PIK3C2A: variants seen among roughly 807,000 people sequenced by gnomAD.
The protein encoded by PIK3C2A is phosphatidylinositol-4-phosphate 3-kinase catalytic subunit type 2 alpha, also known as phosphatidylinositol 4-phosphate 3-kinase C2 domain-containing subunit alpha.
A neutral mutation model predicts 204.5 loss-of-function variants in PIK3C2A; 97 were observed. That is an observed-to-expected ratio of 0.47 (90% CI 0.40 to 0.56). The LOEUF (loss-of-function observed/expected upper bound fraction) is 0.56, where lower values mean the gene tolerates loss of function less well. Among genes scored for constraint, PIK3C2A ranks in the 20% least tolerant of loss-of-function variants. The pLI, the probability that PIK3C2A is intolerant of heterozygous loss-of-function variation, is 0.00. For missense variants in PIK3C2A, 1,735 were observed against 1,969.2 expected, an observed-to-expected ratio of 0.88 and a Z score of 2.25; for synonymous variants, 653 against 664.4, an observed-to-expected ratio of 0.98 and a Z score of 0.26.
At chr11:17,178,106 A>AAAAG (rs1555034917) in intron 1 of PIK3C2A, among the ~76,000 whole-genome samples, 2 of 96,350 alleles carry the variant, frequency 2.1e-5, no homozygotes, top group East Asian at 1.2e-3. Context: ...AAAAAAAAAA[A>AAAAG]AAAAAAGAAA....
chr11:17,181,855 G>A (rs1385099178), intron 1 of PIK3C2A, among the ~76,000 whole-genome samples: 1 of 151,922 alleles, frequency 6.6e-6, no homozygotes, highest in Non-Finnish European at 1.5e-5. Flanking sequence ...ACTTTGGGAG[G>A]CCAAGGCGGG....
rs199919447 is a variant in PIK3C2A, at chr11:17,097,193, C to T, written c.4190G>A (p.Arg1397His). 11 of 1,613,516 alleles carry T rather than the reference C, an allele frequency of 6.8e-6. No individual in the cohort carries two copies. The highest frequency in any genetic ancestry group is 4.5e-5 in the East Asian group (2 of 44,844). The change falls in exon 27 of 33, where the codon CGT becomes CAT. Residue 1397 changes from arginine to histidine, a missense_variant. Arg to His is a conservative substitution (Grantham distance 29). Coordinates refer to ENST00000691414, the MANE Select transcript of PIK3C2A (RefSeq NM_002645.4). ...NFFIHNLAQLRFSGLPSNDEP... is the reference protein window; with the variant it reads ...NFFIHNLAQLHFSGLPSNDEP... Reference sequence around the variant, plus strand: ...ATCATTAGAAGGAAGACCAGAAAAACGAAGCTGAGCAAGGTTGTGAATGAA... The same window carrying T: ...ATCATTAGAAGGAAGACCAGAAAAATGAAGCTGAGCAAGGTTGTGAATGAA...
intron 23 of PIK3C2A, among the ~76,000 whole-genome samples, chr11:17,104,714 G>C (rs1178775210): frequency 8.5e-6 from 1 of 118,332 alleles, no homozygotes; most frequent in African/African-American, 3.3e-5. Context: ...GACAGAGTGA[G>C]ACTCCATCTC....
At chr11:17,103,701 G>C (rs1848716556) in intron 23 of PIK3C2A, among the ~76,000 whole-genome samples, 1 of 152,170 alleles carries the variant, frequency 6.6e-6, no homozygotes, top group East Asian at 1.9e-4. Context: ...CAATTGTACA[G>C]ATGGAAAACT....
intron 1 of PIK3C2A, among the ~76,000 whole-genome samples, chr11:17,203,052 T>C (rs1391773641): frequency 6.6e-6 from 1 of 152,248 alleles, no homozygotes; most frequent in Non-Finnish European, 1.5e-5. Context: ...AGAGGATTTA[T>C]AAATCCCATT....
At chr11:17,106,316 G>A (rs1051792136) in intron 22 of PIK3C2A, among the ~76,000 whole-genome samples, 6 of 151,878 alleles carry the variant, frequency 4.0e-5, no homozygotes, top group African/African-American at 1.2e-4. Flanking sequence ...GGAGGCTGAT[G>A]CATGAGAATT....
rs1210339640 is a variant in PIK3C2A at position 17,122,242 on chromosome 11, T to C, written c.2603A>G (p.Glu868Gly). Residue 868 changes from glutamate to glycine, a missense_variant, in exon 15 of 33, where the codon GAG becomes GGG. Transcript: ENST00000691414. ...IIQQHNLETL[E>G]NDIKGKLLDI... Reference sequence around the variant, plus strand: ...AAGAAGTTTCCCTTTTATATCATTCTCTAGTGTTTCTAAGTTATGTTGCTG... The same window carrying C: ...AAGAAGTTTCCCTTTTATATCATTCCCTAGTGTTTCTAAGTTATGTTGCTG... The C allele has an allele frequency of 6.5e-7, 1 of 1,536,900 alleles. No individual in the cohort carries two copies. Among genetic ancestry groups the C allele is most frequent in the African/African-American group, 1.4e-5 (1 of 73,428 alleles).
intron 2 of PIK3C2A, among the ~76,000 whole-genome samples, chr11:17,165,158 TATTTTCACATTTGCTATTTGTCTTGTC>T (rs1249211275): frequency 6.6e-6 from 1 of 152,190 alleles, no homozygotes; most frequent in Non-Finnish European, 1.5e-5. Context: ...CAGGGTACTC[TATTTTCACATTTGCTATTTGTCTTGTC>T]ATTTTCCCAA....
chr11:17,131,201 AG>A (rs1323861257), intron 12 of PIK3C2A, among the ~76,000 whole-genome samples: 2 of 152,198 alleles, frequency 1.3e-5, no homozygotes, highest in African/African-American at 4.8e-5. Flanking sequence ...AAAAGTAAAA[AG>A]ATAACTTTTT....
intron 8 of PIK3C2A, among the ~76,000 whole-genome samples, chr11:17,137,061 G>C (rs1025806777): frequency 6.6e-6 from 1 of 152,094 alleles, no homozygotes; most frequent in Non-Finnish European, 1.5e-5. Flanking sequence ...ACATTTACCG[G>C]AGAAGTACAT....
chr11:17,126,719 A>G (rs978460680), intron 13 of PIK3C2A, among the ~76,000 whole-genome samples: 3 of 152,234 alleles, frequency 2.0e-5, no homozygotes, highest in Admixed American at 1.3e-4. Context: ...CGCCTGCACT[A>G]CTTGGCAGTC....
intron 8 of PIK3C2A, 28 bp from the exon 9 acceptor site, chr11:17,136,653 T>C: frequency 7.3e-7 from 1 of 1,367,726 alleles, no homozygotes; most frequent in East Asian, 2.4e-5. Context: ...AAAATAAAAA[T>C]AGGTAGGTGA....
intron 1 of PIK3C2A, among the ~76,000 whole-genome samples, chr11:17,199,680 C>T (rs900726895): frequency 6.6e-5 from 10 of 152,298 alleles, no homozygotes; most frequent in Admixed American, 3.3e-4. Context: ...CAGGGGCTCA[C>T]GCCTGTAATC....
At chr11:17,180,142 G>A (rs564281111) in intron 1 of PIK3C2A, among the ~76,000 whole-genome samples, 3 of 151,948 alleles carry the variant, frequency 2.0e-5, no homozygotes, top group African/African-American at 2.4e-5. Context: ...CACTGCTGCA[G>A]GCAATGAAAA....
chr11:17,110,744 T>C (rs1460077842), intron 21 of PIK3C2A, among the ~76,000 whole-genome samples, 183 bp from the exon 22 acceptor site: 3 of 151,952 alleles, frequency 2.0e-5, no homozygotes, highest in Non-Finnish European at 4.4e-5. Flanking sequence ...AACACAAAAA[T>C]TAGCTGGGCA....
chr11:17,185,416 T>A (rs1027924565), intron 1 of PIK3C2A, among the ~76,000 whole-genome samples: 3 of 152,214 alleles, frequency 2.0e-5, no homozygotes, highest in African/African-American at 7.2e-5. Flanking sequence ...TGCCTACTGA[T>A]GCATTTCTTA....
intron 1 of PIK3C2A, among the ~76,000 whole-genome samples, chr11:17,176,876 G>A (rs1851356059): frequency 6.6e-6 from 1 of 152,106 alleles, no homozygotes; most frequent in Non-Finnish European, 1.5e-5. Context: ...GCAAATATCT[G>A]CATATCTCTA....
intron 13 of PIK3C2A, among the ~76,000 whole-genome samples, chr11:17,129,013 T>C (rs1849609030): frequency 1.3e-5 from 2 of 152,236 alleles, no homozygotes; most frequent in Non-Finnish European, 2.9e-5. Flanking sequence ...ATGTCAACAA[T>C]GTAGTACTTT....
intron 9 of PIK3C2A, 40 bp from the exon 10 acceptor site, chr11:17,135,199 CT>C: frequency 6.2e-7 from 1 of 1,600,724 alleles, no homozygotes; most frequent in Non-Finnish European, 8.6e-7. Flanking sequence ...AGAAAACTGC[CT>C]ATGACATAAT....
Sources: gnomAD v4.1 joint callset for allele counts (sites outside exome capture counted in the v4.1 genomes callset) on GRCh38, gnomAD v4.1.1 for gene constraint, MANE v1.5 for transcripts, NCBI Gene and HGNC (gene_info 2026-07-23, HGNC 2026-07-21) for gene names.